The following KRT25 variants were observed in gnomAD, a reference collection of about 807,000 sequenced individuals.
The protein encoded by KRT25 is keratin, type I cytoskeletal 25.
KRT25 carries 37 observed loss-of-function variants against 47.6 expected under a neutral mutation model. The ratio of observed to expected loss-of-function variants is 0.78; its 90% CI spans 0.60 to 1.02. KRT25 has a LOEUF of 1.02. Ranked by LOEUF, KRT25 falls within the 50% of genes least tolerant of loss-of-function variation. The pLI is 0.00. For synonymous variants in KRT25, 203 were observed against 210.2 expected (o/e 0.97, Z 0.30); for missense variants, 542 against 550.3 (o/e 0.98, Z 0.15).
intron 1 of KRT25, 85 bp downstream of exon 1, chr17:40,754,758 A>T: frequency 1.6e-6 from 2 of 1,256,412 alleles, no homozygotes; most frequent in Non-Finnish European, 1.1e-6. Context: ...AGGAATGATA[A>T]ATGTTTTTAG....
At chr17:40,751,627 CT>C (rs2038049126) in intron 3 of KRT25, among the ~76,000 whole-genome samples, 1 of 152,220 alleles carries the variant, frequency 6.6e-6, no homozygotes, top group Non-Finnish European at 1.5e-5. Flanking sequence ...AGTTCTACTA[CT>C]CAGAATGCAT....
rs1164101943 is a variant in KRT25 at position 40,751,259 on chromosome 17, AC to A, written c.736del (p.Val246TrpfsTer7). On this transcript the variant is annotated frameshift_variant, in exon 4 of 8. Transcript: ENST00000312150. LOFTEE classifies it high-confidence loss of function. ...GTTGTTCAGCAGAACTGTGAGGTCC[AC>A]CCCGGGGGCTGCGTTCATCTCCACG... is the stretch of plus-strand genomic sequence containing the variant. Reference protein sequence around the residue: ...VNVEMNAAPGVDLTVLLNNMR... With the variant: ...VNVEMNAAPGXDLTVLLNNMR... 3 of 1,613,974 alleles carry A rather than the reference AC, an allele frequency of 1.9e-6. No homozygotes were observed. Among genetic ancestry groups the A allele is most frequent in the Admixed American group, 1.7e-5 (1 of 59,996 alleles).
intron 3 of KRT25, among the ~76,000 whole-genome samples, chr17:40,752,578 A>G (rs1184316540): frequency 6.6e-6 from 1 of 152,194 alleles, no homozygotes; most frequent in Non-Finnish European, 1.5e-5. Flanking sequence ...TTCAAGCATA[A>G]AAAGAAAAAG....
chr17:40,752,147 C>T (rs1415596540), intron 3 of KRT25, among the ~76,000 whole-genome samples: 1 of 151,986 alleles, frequency 6.6e-6, no homozygotes. Flanking sequence ...TAAAAGAAGT[C>T]AAAGAACTAA....
At chr17:40,749,964 T>C (rs1434277969) in intron 6 of KRT25, among the ~76,000 whole-genome samples, 1 of 152,166 alleles carries the variant, frequency 6.6e-6, no homozygotes, top group Non-Finnish European at 1.5e-5. Flanking sequence ...ATCTTCATTG[T>C]GAATTCAGGA....
At chr17:40,751,883 CGT>C (rs71152701) in intron 3 of KRT25, among the ~76,000 whole-genome samples, 1,712 of 148,822 alleles carry the variant, frequency 0.012, 14 homozygotes, top group African/African-American at 0.024. Context: ...TGTGTGCGTG[CGT>C]GTGTGTGTGT....
intron 3 of KRT25, among the ~76,000 whole-genome samples, chr17:40,753,155 G>A (rs9913699): frequency 0.018 from 2,768 of 152,274 alleles, 51 homozygotes; most frequent in Middle Eastern, 0.075. Flanking sequence ...ATCTGCCACT[G>A]TCATTTAGAA....
upstream of KRT25, chr17:40,755,449 T>A (rs1411781341): frequency 1.2e-5 from 7 of 597,426 alleles, no homozygotes; most frequent in Non-Finnish European, 1.7e-5. Flanking sequence ...CATAATTGGG[T>A]GATTTTTTCT....
intron 3 of KRT25, 151 bp from the exon 4 acceptor site, chr17:40,751,477 C>T (rs2038047333): frequency 5.0e-6 from 4 of 794,328 alleles, no homozygotes; most frequent in Admixed American, 3.1e-5. Context: ...CTTCCTGTCC[C>T]GTTGACCTAA....
At chr17:40,748,751 C>CA (rs1236126618) in intron 7 of KRT25, among the ~76,000 whole-genome samples, 1 of 152,092 alleles carries the variant, frequency 6.6e-6, no homozygotes, top group Non-Finnish European at 1.5e-5. Context: ...ACCATAAAGA[C>CA]ACATGCATGT....
rs533151341 is a variant in KRT25 at position 40,750,285 on chromosome 17, C to T, written c.1175+95G>A. On this transcript the variant is annotated intron_variant, in intron 6 of 7. Coordinates refer to ENST00000312150, the MANE Select transcript of KRT25 (RefSeq NM_181534.4). ...TAGTATTCATGATAATAAATGCATG[C>T]AGCCAAATTATGTCCGCTTTCCAGT... 164 of 1,239,338 alleles carry T rather than the reference C, an allele frequency of 1.3e-4. 3 individuals are homozygous for T. In the South Asian group the frequency reaches 1.6e-3, roughly 12 times the overall value. The allele number at this position is 1,239,338 out of a possible 1,614,324, so 76.8% of individuals were successfully genotyped here.
rs2038024929 is a variant in KRT25 at position 40,749,305 on chromosome 17, T to C, written c.1196A>G (p.Tyr399Cys). Residue 399 changes from tyrosine to cysteine, a missense_variant, in exon 7 of 8, where the codon TAC becomes TGC. By Grantham distance (194) the Tyr-to-Cys change is radical. Transcript: ENST00000312150. The stretch of plus-strand genomic sequence containing the variant: ...TCCAGATCCATAATCTTTAGACTTG[T>C]AACCCCCAGACTTACAGGCTCTGTG... ...GDDGACKSGG[Y>C]KSKDYGSGNV... 3 of 1,613,636 alleles carry C rather than the reference T, an allele frequency of 1.9e-6. No individual in the cohort carries two copies. Among genetic ancestry groups the C allele is most frequent in the Non-Finnish European group, 2.5e-6 (3 of 1,179,552 alleles).
rs1188821690 is a variant in KRT25 at position 40,748,341 on chromosome 17, T to C, written c.1289A>G (p.Asp430Gly). 6.2e-7 allele frequency: 1 copy of C among 1,613,284 alleles called. No individual in the cohort carries two copies. The highest frequency in any genetic ancestry group is 8.5e-7 in the Non-Finnish European group (1 of 1,179,590). Residue 430 changes from aspartate (D) to glycine (G), a missense_variant, in exon 8 of 8, where the codon GAC becomes GGC. Transcript: ENST00000312150. ...GGTGGTAAGTATTTTGCTGCGTTGG[T>C]CTACCTCCTCAAGAACTTTCTTAAC... ...IVVKKVLEEV[D>G]QRSKILTTRL...
At chr17:40,749,105 G>A (rs377733332) in intron 7 of KRT25, among the ~76,000 whole-genome samples, 153 bp downstream of exon 7, 16 of 152,222 alleles carry the variant, frequency 1.1e-4, no homozygotes, top group African/African-American at 3.1e-4. Context: ...ATTGGGTACC[G>A]GGCTTAATTC....
At chr17:40,749,860 G>A (rs1041297827) in intron 6 of KRT25, among the ~76,000 whole-genome samples, 3 of 151,302 alleles carry the variant, frequency 2.0e-5, no homozygotes, top group African/African-American at 7.3e-5. Context: ...TTTTTTTTCT[G>A]TATGATTCCT....
Position 40,751,914 on chromosome 17 carries a change from A to G in KRT25, c.670-588T>C, listed in dbSNP as rs986434609. Reference sequence around the variant, plus strand: ...TGTGTGTGTGTGTGTGTGTGTGTGTACCCCTCAGGGAAGAACATCATCCCC... The same window carrying G: ...TGTGTGTGTGTGTGTGTGTGTGTGTGCCCCTCAGGGAAGAACATCATCCCC... On this transcript the variant is annotated intron_variant, in intron 3 of 7. Coordinates refer to ENST00000312150, the MANE Select transcript of KRT25 (RefSeq NM_181534.4). Among the ~76,000 whole-genome samples, 12 of 128,542 alleles carry G rather than the reference A, an allele frequency of 9.3e-5. No individual in the cohort carries two copies. In the East Asian group the frequency reaches 2.3e-3, roughly 25 times the overall value. The allele number at this position is 128,542 out of a possible 152,430, so 84.3% of individuals were successfully genotyped here.
At chr17:40,751,407 G>C in intron 3 of KRT25, 81 bp from the exon 4 acceptor site, 1 of 1,449,602 alleles carries the variant, frequency 6.9e-7, no homozygotes, top group Non-Finnish European at 9.2e-7. Context: ...AGGGCACTTA[G>C]AGTTCGTCTG....
rs2038024955 is a variant in KRT25, at chr17:40,749,305, T to TA, written c.1195dup (p.Tyr399LeufsTer4). ...TCCAGATCCATAATCTTTAGACTTG[T>TA]AACCCCCAGACTTACAGGCTCTGTG... On this transcript the variant is annotated frameshift_variant, in exon 7 of 8. Coordinates refer to ENST00000312150, the MANE Select transcript of KRT25 (RefSeq NM_181534.4). LOFTEE classifies it high-confidence loss of function. 1 of 1,613,518 alleles carries TA rather than the reference T, an allele frequency of 6.2e-7. No homozygotes were observed. Among genetic ancestry groups the TA allele is most frequent in the African/African-American group, 1.3e-5 (1 of 74,914 alleles).
intron 3 of KRT25, among the ~76,000 whole-genome samples, chr17:40,751,795 A>G (rs891466576): frequency 3.9e-5 from 6 of 152,088 alleles, no homozygotes; most frequent in Non-Finnish European, 7.4e-5. Flanking sequence ...AGCCATGAAC[A>G]TGGTTGAAGG....
Sources: gnomAD v4.1 joint callset for allele counts (sites outside exome capture counted in the v4.1 genomes callset) on GRCh38, gnomAD v4.1.1 for gene constraint, MANE v1.5 for transcripts, NCBI Gene and HGNC (gene_info 2026-07-23, HGNC 2026-07-21) for gene names.